Variants in PDE8B observed in about 807,000 individuals in gnomAD.
PDE8B encodes high affinity cAMP-specific and IBMX-insensitive 3',5'-cyclic phosphodiesterase 8B.
In PDE8B, 26 loss-of-function variants were observed where a neutral mutation model predicts 101.3. The ratio of observed to expected loss-of-function variants is 0.26; its 90% CI spans 0.19 to 0.36. PDE8B has a LOEUF of 0.36. PDE8B is among the 10% of genes least tolerant of loss of function. The pLI is 1.00. For missense variants in PDE8B, 810 were observed against 1,163.1 expected, an observed-to-expected ratio of 0.70 and a Z score of 4.42; for synonymous variants, 424 against 429.3, an observed-to-expected ratio of 0.99 and a Z score of 0.15.
rs987609617 is a variant in PDE8B at position 77,427,941 on chromosome 5, A to C, written c.*1387A>C. Reference sequence around the variant, plus strand: ...TTTCCAATACAAATTGGAATGCAGAATACTTGGAACTTGTACATGGGGAAA... The same window carrying C: ...TTTCCAATACAAATTGGAATGCAGACTACTTGGAACTTGTACATGGGGAAA... On this transcript the variant is annotated 3_prime_UTR_variant, in exon 22 of 22. Coordinates refer to ENST00000264917, the MANE Select transcript of PDE8B (RefSeq NM_003719.5). 2 of 152,232 alleles carry C rather than the reference A, an allele frequency of 1.3e-5. No homozygotes were observed. The highest frequency in any genetic ancestry group is 1.9e-4 in the East Asian group (1 of 5,196). The allele number at this position is 152,232 out of a possible 1,614,324, so 9.4% of individuals were successfully genotyped here.
chr5:77,386,434 G>A (rs1383955719), intron 10 of PDE8B, among the ~76,000 whole-genome samples: 22 of 152,142 alleles, frequency 1.4e-4, no homozygotes, highest in Admixed American at 1.4e-3. Flanking sequence ...AGGTCTCTAA[G>A]AACTTGCTTT....
intron 7 of PDE8B, among the ~76,000 whole-genome samples, chr5:77,345,501 T>C (rs538295214): frequency 6.6e-6 from 1 of 152,334 alleles, no homozygotes; most frequent in East Asian, 1.9e-4. Context: ...GAAGACACTA[T>C]TGACATAGAA....
chr5:77,225,848 G>GCACACACACACACACA (rs3087185), intron 1 of PDE8B, among the ~76,000 whole-genome samples: 23 of 144,330 alleles, frequency 1.6e-4, no homozygotes, highest in African/African-American at 5.5e-4. Flanking sequence ...ACATGCGCGT[G>GCACACACACACACACA]CACACACACA....
At chr5:77,291,461 A>G in intron 1 of PDE8B, 3 of 1,611,236 alleles carry the variant, frequency 1.9e-6, no homozygotes, top group Non-Finnish European at 2.5e-6. Flanking sequence ...TTGCACACAC[A>G]GAGACTTTTG....
intron 10 of PDE8B, among the ~76,000 whole-genome samples, chr5:77,380,005 A>G (rs1787148204): frequency 6.6e-6 from 1 of 152,226 alleles, no homozygotes; most frequent in African/African-American, 2.4e-5. Flanking sequence ...GCAGATCAAG[A>G]ATGTTCAGTC....
At chr5:77,377,343 C>T (rs907952272) in intron 10 of PDE8B, among the ~76,000 whole-genome samples, 1 of 152,232 alleles carries the variant, frequency 6.6e-6, no homozygotes, top group African/African-American at 2.4e-5. Context: ...GGCACCGGAC[C>T]TGCAGCTTCA....
chr5:77,128,423 G>A, the PDE8B span, among the ~76,000 whole-genome samples: 5 of 152,166 alleles, frequency 3.3e-5, no homozygotes, highest in East Asian at 1.9e-4. Flanking sequence ...CACCTACAAC[G>A]TGCCATCCAA....
chr5:77,258,953 T>G (rs991846578), intron 1 of PDE8B, among the ~76,000 whole-genome samples: 3 of 151,824 alleles, frequency 2.0e-5, no homozygotes, highest in African/African-American at 7.3e-5. Flanking sequence ...CTGAGGGTCT[T>G]CTAACTCTCT....
intron 1 of PDE8B, among the ~76,000 whole-genome samples, chr5:77,289,290 C>T (rs975342291): frequency 6.6e-6 from 1 of 152,180 alleles, no homozygotes; most frequent in Non-Finnish European, 1.5e-5. Flanking sequence ...ATAATCTCTT[C>T]CAGAATTGCT....
intron 17 of PDE8B, among the ~76,000 whole-genome samples, 181 bp downstream of exon 17, chr5:77,413,490 A>G (rs1040038883): frequency 6.6e-6 from 1 of 152,184 alleles, no homozygotes; most frequent in Non-Finnish European, 1.5e-5. Context: ...CCTTTCTGCC[A>G]GCCCTCCCCT....
the PDE8B span, among the ~76,000 whole-genome samples, chr5:77,124,585 C>CAAAA: frequency 2.5e-5 from 3 of 122,420 alleles, no homozygotes; most frequent in Non-Finnish European, 1.7e-5. Flanking sequence ...GACACTGTCT[C>CAAAA]AAAAAAAAAA....
chr5:77,267,696 T>C (rs982065308), intron 1 of PDE8B, among the ~76,000 whole-genome samples: 3 of 152,152 alleles, frequency 2.0e-5, no homozygotes, highest in African/African-American at 4.8e-5. Context: ...TTGATCCTAA[T>C]CAGTGCGTGT....
At chr5:77,300,974 A>G (rs538423400) in intron 1 of PDE8B, among the ~76,000 whole-genome samples, 15 of 152,222 alleles carry the variant, frequency 9.9e-5, no homozygotes, top group South Asian at 2.1e-4. Flanking sequence ...GATTCATTTC[A>G]GTGAGATTGG....
At chr5:77,174,506 C>T in the PDE8B span, among the ~76,000 whole-genome samples, 1 of 152,164 alleles carries the variant, frequency 6.6e-6, no homozygotes, top group African/African-American at 2.4e-5. Context: ...ATATGCTTCC[C>T]TCAACCACCA....
At chr5:77,357,303 A>C (rs1250103550) in intron 10 of PDE8B, among the ~76,000 whole-genome samples, 1 of 152,146 alleles carries the variant, frequency 6.6e-6, no homozygotes, top group African/African-American at 2.4e-5. Context: ...CTGGGCAGCA[A>C]AGTGGGGATG....
chr5:77,305,847 T>C (rs1313117988), intron 1 of PDE8B, among the ~76,000 whole-genome samples: 1 of 152,160 alleles, frequency 6.6e-6, no homozygotes, highest in Non-Finnish European at 1.5e-5. Context: ...CCACAGCTGG[T>C]GTCTTTTCAG....
chr5:77,126,118 C>G, the PDE8B span, among the ~76,000 whole-genome samples: 1 of 152,024 alleles, frequency 6.6e-6, no homozygotes, highest in Non-Finnish European at 1.5e-5. Context: ...AACCCCGTCT[C>G]TACTAAAACT....
chr5:77,252,758 G>A (rs1384839978), intron 1 of PDE8B, among the ~76,000 whole-genome samples: 4 of 152,154 alleles, frequency 2.6e-5, no homozygotes, highest in Non-Finnish European at 5.9e-5. Context: ...TAGCCGTTGA[G>A]GAGTAAGGCT....
chr5:77,391,639 CT>C (rs1183046953), intron 10 of PDE8B, among the ~76,000 whole-genome samples: 1 of 152,204 alleles, frequency 6.6e-6, no homozygotes, highest in Non-Finnish European at 1.5e-5. Flanking sequence ...GCATGTGCAC[CT>C]GCTGGCCTTG....
Sources: allele counts gnomAD v4.1 joint callset (sites outside exome capture counted in the v4.1 genomes callset), GRCh38; gene constraint gnomAD v4.1.1; transcripts MANE v1.5; gene names NCBI Gene and HGNC (gene_info 2026-07-23, HGNC 2026-07-21).